Variants in ZBTB38 observed in about 807,000 individuals in gnomAD.
ZBTB38 encodes zinc finger and BTB domain containing 38.
In ZBTB38, 20 loss-of-function variants were observed where a neutral mutation model predicts 76.8. The observed-to-expected ratio is 0.26, with a 90% CI of 0.18 to 0.38. The LOEUF (loss-of-function observed/expected upper bound fraction) is 0.38. ZBTB38 is among the 10% of genes least tolerant of loss of function. The pLI is 1.00. For missense variants in ZBTB38, 1,082 were observed against 1,482.3 expected (o/e 0.73, Z 4.43); for synonymous variants, 504 against 544.2 (o/e 0.93, Z 1.03).
chr3:141,429,713 G>C (rs2077074481), intron 5 of ZBTB38, among the ~76,000 whole-genome samples: 1 of 152,226 alleles, frequency 6.6e-6, no homozygotes, highest in Non-Finnish European at 1.5e-5. Flanking sequence ...AAACCAAAGG[G>C]GCAGCAGATA....
Position 141,443,148 on chromosome 3 carries a change from G to A in ZBTB38, c.760G>A (p.Glu254Lys). The A allele has an allele frequency of 6.2e-7, 1 of 1,614,196 alleles. No homozygotes were observed. Among genetic ancestry groups the A allele is most frequent in the South Asian group, 1.1e-5 (1 of 91,084 alleles). The change falls in exon 6 of 6, where the codon GAA becomes AAA. Residue 254 changes from glutamate (E) to lysine (K), a missense_variant. Glu to Lys is a moderately conservative substitution (Grantham distance 56). Around this residue, in one of 8 missense-constraint regions of ZBTB38, gnomAD observed 324 missense variants for 359.1 expected, o/e 0.90. Coordinates refer to ENST00000321464, the MANE Select transcript of ZBTB38 (RefSeq NM_001376113.1). This position sits in a 1 kb window ranked among gnomAD's most constrained non-coding sequence, Gnocchi z 5.6. Reference protein sequence around the residue: ...SPGNTGKENCEALAAKPKTCR... With the variant: ...SPGNTGKENCKALAAKPKTCR... ...TGGTAACACAGGGAAAGAAAATTGT[G>A]AAGCCCTTGCAGCGAAACCGAAAAC... is the stretch of plus-strand genomic sequence containing the variant.
intron 1 of ZBTB38, among the ~76,000 whole-genome samples, chr3:141,369,321 T>A (rs1238443949): frequency 6.6e-6 from 1 of 152,242 alleles, no homozygotes; most frequent in Non-Finnish European, 1.5e-5. Context: ...TGAGCACGTT[T>A]CTGATTGTTC....
intron 1 of ZBTB38, among the ~76,000 whole-genome samples, chr3:141,343,781 G>A (rs532759928): frequency 1.5e-4 from 23 of 152,268 alleles, no homozygotes; most frequent in African/African-American, 5.1e-4. Flanking sequence ...AATCTGCTTC[G>A]AACATCATAT....
intron 2 of ZBTB38, among the ~76,000 whole-genome samples, chr3:141,378,368 ACAC>A (rs1945699275): frequency 3.3e-5 from 5 of 151,920 alleles, no homozygotes; most frequent in African/African-American, 4.8e-5. Context: ...AGGTACACAC[ACAC>A]ACACACAGAG....
At position 141,445,837 on chromosome 3, in the gene ZBTB38, AAAGCCC is replaced by A; in HGVS notation, c.3453_3458del (p.Pro1152_Ser1153del). The A allele has an allele frequency of 6.2e-7, 1 of 1,614,152 alleles. No individual in the cohort carries two copies. The highest frequency in any genetic ancestry group is 8.5e-7 in the Non-Finnish European group (1 of 1,180,044). On this transcript the variant is annotated inframe_deletion, in exon 6 of 6. Transcript: ENST00000321464. This position sits in a 1 kb window ranked among gnomAD's most constrained non-coding sequence, Gnocchi z 6.5. The stretch of plus-strand genomic sequence containing the variant: ...ATGCACCAAAAGAAACACTTATTCA[AAAGCCC>A]AAGTCAGCAGGAGAAAATAGGTGAC...
intron 5 of ZBTB38, among the ~76,000 whole-genome samples, chr3:141,434,836 TATTTA>T (rs1307312364): frequency 4.0e-5 from 6 of 151,898 alleles, no homozygotes; most frequent in Non-Finnish European, 7.4e-5. Context: ...TATAATTTTA[TATTTA>T]ATTTATATAG....
chr3:141,445,335 C>A lies in ZBTB38; in HGVS notation c.2947C>A (p.Gln983Lys). ...AGAAACTAAAGAGATGCCCAAGCTG[C>A]AGTGTGAACTCTGTGATGGAGACAA... ...EEETKEMPKL[Q>K]CELCDGDKAV... The change falls in exon 6 of 6, where the codon CAG (glutamine) becomes AAG (lysine). Residue 983 changes from glutamine to lysine, a missense_variant. Gln to Lys is a moderately conservative substitution (Grantham distance 53, BLOSUM62 1). Transcript: ENST00000321464. This position sits in a 1 kb window ranked among gnomAD's most constrained non-coding sequence, Gnocchi z 6.5. The A allele has an allele frequency of 6.2e-7, 1 of 1,614,142 alleles. No homozygotes were observed. Among genetic ancestry groups the A allele is most frequent in the Non-Finnish European group, 8.5e-7 (1 of 1,180,024 alleles).
At chr3:141,331,295 T>C (rs1229002724) in intron 1 of ZBTB38, among the ~76,000 whole-genome samples, 1 of 152,250 alleles carries the variant, frequency 6.6e-6, no homozygotes, top group African/African-American at 2.4e-5. Context: ...TCCTTGGTTA[T>C]GTTCCCACCT....
rs766841828 is a variant in ZBTB38 at position 141,426,161 on chromosome 3, A to G, written c.1-16228A>G. On this transcript the variant is annotated intron_variant, in intron 5 of 5. Coordinates refer to ENST00000321464, the MANE Select transcript of ZBTB38 (RefSeq NM_001376113.1). ...AGAGGGGCTCCAGCATAAGCAGGAG[A>G]CATGGTAAGCTGTTCCTTCATAGTG... 3.1e-6 allele frequency: 4 copies of G among 1,289,270 alleles called. No homozygotes were observed. In the African/African-American group the frequency reaches 6.1e-5, roughly 20 times the overall value. The allele number at this position is 1,289,270 out of a possible 1,614,324, so 79.9% of individuals were successfully genotyped here.
intron 1 of ZBTB38, among the ~76,000 whole-genome samples, chr3:141,336,235 G>C (rs1267576214): frequency 6.6e-6 from 1 of 152,070 alleles, no homozygotes; most frequent in East Asian, 1.9e-4. Flanking sequence ...GCACTGGCTG[G>C]TGCCTGGATG....
chr3:141,369,009 A>C lies in ZBTB38; in HGVS notation c.-310+205A>C, dbSNP rs906996378. Among the ~76,000 whole-genome samples, 553 of 151,814 alleles carry C rather than the reference A, an allele frequency of 3.6e-3. 7 individuals carry two copies. Among genetic ancestry groups the C allele is most frequent in the African/African-American group, 0.013 (540 of 41,398 alleles). ...AGAAAAGAATGCAAAAAAAAAAAAA[A>C]AAAACAATACTAAGACGGAAACCCT... On this transcript the variant is annotated intron_variant, in intron 1 of 5. Coordinates refer to ENST00000321464, the MANE Select transcript of ZBTB38 (RefSeq NM_001376113.1).
chr3:141,350,071 T>G (rs1465857576), intron 1 of ZBTB38, among the ~76,000 whole-genome samples: 1 of 152,154 alleles, frequency 6.6e-6, no homozygotes, highest in Non-Finnish European at 1.5e-5. Context: ...TCCAGGATGC[T>G]CCACAGCTGA....
intron 1 of ZBTB38, among the ~76,000 whole-genome samples, chr3:141,350,043 A>G (rs1255409729): frequency 6.6e-6 from 1 of 152,238 alleles, no homozygotes; most frequent in Non-Finnish European, 1.5e-5. Context: ...ATAAAACGAA[A>G]GAGTCTTAGA....
chr3:141,436,462 G>GT (rs2078806960), intron 5 of ZBTB38, among the ~76,000 whole-genome samples: 1 of 152,088 alleles, frequency 6.6e-6, no homozygotes, highest in Admixed American at 6.5e-5. Context: ...TACAACCCCA[G>GT]TGTTGCCTGG....
intron 5 of ZBTB38, among the ~76,000 whole-genome samples, chr3:141,440,788 C>A (rs2079964203): frequency 6.6e-6 from 1 of 152,102 alleles, no homozygotes; most frequent in South Asian, 2.1e-4. Context: ...GTAATCCCAG[C>A]ACTTTGGGAG....
At chr3:141,418,478 G>A (rs2074593252) in intron 5 of ZBTB38, among the ~76,000 whole-genome samples, 1 of 152,168 alleles carries the variant, frequency 6.6e-6, no homozygotes, top group Non-Finnish European at 1.5e-5. Context: ...AGCCCTGGAT[G>A]CCCCATCAGT....
chr3:141,448,272 G>GA lies in ZBTB38; in HGVS notation c.*2302dup, dbSNP rs1454312306. On this transcript the variant is annotated 3_prime_UTR_variant, in exon 6 of 6. Coordinates refer to ENST00000321464, the MANE Select transcript of ZBTB38 (RefSeq NM_001376113.1). ...TAAATATGGCAGAATATTTATACATGAAAAAATAATTTTGCAAATATTTTC... is the reference window on the plus strand; with the variant it reads ...TAAATATGGCAGAATATTTATACATGAAAAAAATAATTTTGCAAATATTTTC... The GA allele has an allele frequency of 6.6e-6, 1 of 152,428 alleles. No homozygotes were observed. The highest frequency in any genetic ancestry group is 6.5e-5 in the Admixed American group (1 of 15,276). 9.4% of individuals were successfully genotyped at this position (152,428 alleles called of 1,614,324 possible).
chr3:141,360,245 A>C (rs913283928), intron 1 of ZBTB38, among the ~76,000 whole-genome samples: 1 of 152,078 alleles, frequency 6.6e-6, no homozygotes, highest in Admixed American at 6.5e-5. Flanking sequence ...TAGCTCTGGG[A>C]CCCCACAGTG....
chr3:141,337,168 C>T (rs1304700363), intron 1 of ZBTB38, among the ~76,000 whole-genome samples: 1 of 152,182 alleles, frequency 6.6e-6, no homozygotes, highest in Non-Finnish European at 1.5e-5. Flanking sequence ...GATGTAGGAA[C>T]CTGCATACAA....
Sources: allele counts gnomAD v4.1 joint callset (sites outside exome capture counted in the v4.1 genomes callset), GRCh38; gene constraint gnomAD v4.1.1; regional missense constraint gnomAD v4.1.1; non-coding constraint Gnocchi (gnomAD v3.1); transcripts MANE v1.5; gene names NCBI Gene and HGNC (gene_info 2026-07-23, HGNC 2026-07-21).